The following FMN1 variants were observed in gnomAD, a reference collection of about 807,000 sequenced individuals.
The protein encoded by FMN1 is formin 1, also known as formin-1.
In FMN1, 110 loss-of-function variants were observed where a neutral mutation model predicts 132.4. The observed-to-expected ratio is 0.83, with a 90% CI of 0.71 to 0.97. The LOEUF (loss-of-function observed/expected upper bound fraction) is 0.97. FMN1 is among the 50% of genes least tolerant of loss of function. The pLI, the probability that FMN1 is intolerant of heterozygous loss-of-function variation, is 0.00. For missense variants in FMN1, 1,792 were observed against 1,705.3 expected, an observed-to-expected ratio of 1.05 and a Z score of -0.90; for synonymous variants, 722 against 651.7, an observed-to-expected ratio of 1.11 and a Z score of -1.64.
At chr15:33,084,151 C>A (rs2038598507) in intron 5 of FMN1, among the ~76,000 whole-genome samples, 1 of 152,238 alleles carries the variant, frequency 6.6e-6, no homozygotes, top group Non-Finnish European at 1.5e-5. Flanking sequence ...CCACTGTGCT[C>A]TGCCTATGGA....
chr15:33,135,634 G>A lies in FMN1; in HGVS notation c.1867+17414C>T, dbSNP rs370039904. Among the ~76,000 whole-genome samples, 10 of 152,324 alleles carry A rather than the reference G, an allele frequency of 6.6e-5. No homozygotes were observed. The South Asian group carries it at 1.2e-3, about 19-fold the overall frequency. On this transcript the variant is annotated intron_variant, in intron 4 of 20. Transcript: ENST00000616417. The stretch of plus-strand genomic sequence containing the variant: ...AGAGGTTAGTGAAGCTGGAGAAACC[G>A]AGAGCTTGGCTGGCAAGGACTGTGT...
Position 33,066,516 on chromosome 15 carries a change from T to G in FMN1, c.2044-1442A>C, listed in dbSNP as rs190770401. The G allele has an allele frequency of 1.6e-3, 2,388 of 1,537,382 alleles. 7 individuals carry two copies. The highest frequency in any genetic ancestry group is 1.7e-3 in the Non-Finnish European group (2,002 of 1,144,112). On this transcript the variant is annotated intron_variant, in intron 5 of 20. Coordinates refer to ENST00000616417, the MANE Select transcript of FMN1 (RefSeq NM_001277313.2). ...CAAAACCCAATTCTACATACACTTT[T>G]GGAATCAGAGGGGCCATCCGCTGGC...
chr15:33,135,433 C>A (rs1170790030), intron 4 of FMN1, among the ~76,000 whole-genome samples: 1 of 152,216 alleles, frequency 6.6e-6, no homozygotes, highest in Non-Finnish European at 1.5e-5. Context: ...CTGCACAGCA[C>A]AGCACAGAAT....
intron 4 of FMN1, among the ~76,000 whole-genome samples, chr15:33,102,909 A>G (rs575156340): frequency 6.6e-6 from 1 of 152,240 alleles, no homozygotes; most frequent in African/African-American, 2.4e-5. Context: ...TTCCTGTTTA[A>G]AATAGATGTC....
chr15:32,873,647 G>A (rs933798520), intron 16 of FMN1, among the ~76,000 whole-genome samples: 4 of 152,270 alleles, frequency 2.6e-5, no homozygotes, highest in Admixed American at 6.5e-5. Flanking sequence ...CTAGAGGAGA[G>A]GGGGAGTTCT....
At chr15:32,894,673 AAAAG>A (rs1472703942) in intron 15 of FMN1, among the ~76,000 whole-genome samples, 1 of 152,222 alleles carries the variant, frequency 6.6e-6, no homozygotes, top group Admixed American at 6.5e-5. Flanking sequence ...ACGACCTCAA[AAAAG>A]GGCCATGTAA....
chr15:33,091,820 C>A (rs2141371368), intron 4 of FMN1, among the ~76,000 whole-genome samples: 1 of 152,228 alleles, frequency 6.6e-6, no homozygotes, highest in Non-Finnish European at 1.5e-5. Flanking sequence ...AGAAAAAAAT[C>A]ATCTGAAATT....
intron 3 of FMN1, among the ~76,000 whole-genome samples, chr15:33,157,563 T>TA (rs1489394349): frequency 6.6e-6 from 1 of 152,224 alleles, no homozygotes; most frequent in African/African-American, 2.4e-5. Context: ...GCTCTTCACC[T>TA]ACTGCCTTCT....
chr15:32,830,729 T>C (rs2058479836), intron 17 of FMN1, among the ~76,000 whole-genome samples: 1 of 152,148 alleles, frequency 6.6e-6, no homozygotes, highest in East Asian at 1.9e-4. Context: ...AAACCTAATT[T>C]TCCCAGGAGT....
intron 9 of FMN1, among the ~76,000 whole-genome samples, chr15:32,943,308 G>C (rs954885167): frequency 9.2e-5 from 14 of 152,152 alleles, no homozygotes; most frequent in African/African-American, 2.4e-4. Context: ...TAGACAATCT[G>C]ATTCTCCCAA....
chr15:32,787,912 T>A (rs1250723637), intron 19 of FMN1, among the ~76,000 whole-genome samples: 1 of 152,240 alleles, frequency 6.6e-6, no homozygotes, highest in Non-Finnish European at 1.5e-5. Context: ...TTGTGTACTT[T>A]GTCAAATCTA....
At position 33,013,047 on chromosome 15, in the gene FMN1, T is replaced by C. The variant is rs548710598; in HGVS notation, c.2162-4972A>G. ...GAGGCTATAGGGGTAGCACTAGCTA[T>C]GGCACTGGCAGAAGATTTTAATTAC... is the stretch of plus-strand genomic sequence containing the variant. On this transcript the variant is annotated intron_variant, in intron 6 of 20. Coordinates refer to ENST00000616417, the MANE Select transcript of FMN1 (RefSeq NM_001277313.2). 3.8e-4 allele frequency: 152 copies of C among 403,182 alleles called. 1 individual carries two copies. The highest frequency in any genetic ancestry group is 2.9e-3 in the South Asian group (149 of 51,378). The allele number at this position is 403,182 out of a possible 1,614,324, so 25.0% of individuals were successfully genotyped here.
chr15:32,814,632 G>A (rs2141064357), intron 17 of FMN1, among the ~76,000 whole-genome samples: 1 of 152,308 alleles, frequency 6.6e-6, no homozygotes, highest in South Asian at 2.1e-4. Flanking sequence ...ACAATCACAA[G>A]GCTCTGGATA....
At chr15:32,939,171 C>A (rs1230311610) in intron 9 of FMN1, among the ~76,000 whole-genome samples, 1 of 152,200 alleles carries the variant, frequency 6.6e-6, no homozygotes, top group Non-Finnish European at 1.5e-5. Flanking sequence ...AGAGTGATAA[C>A]AATACTTCAG....
chr15:33,090,380 A>C (rs1012829713), intron 4 of FMN1, among the ~76,000 whole-genome samples: 2 of 152,198 alleles, frequency 1.3e-5, no homozygotes, highest in Non-Finnish European at 2.9e-5. Flanking sequence ...GCATTTTAGA[A>C]GGAAGAAAAT....
In FMN1 at chr15:32,869,763, G is replaced by GAGA. The variant is rs143877085; in HGVS notation, c.3836-12659_3836-12657dup. Among the ~76,000 whole-genome samples, 316 of 152,308 alleles carry GAGA rather than the reference G, an allele frequency of 2.1e-3. 2 individuals are homozygous for GAGA. The highest frequency in any genetic ancestry group is 7.0e-3 in the African/African-American group (293 of 41,562). On this transcript the variant is annotated intron_variant, in intron 16 of 20. Coordinates refer to ENST00000616417, the MANE Select transcript of FMN1 (RefSeq NM_001277313.2). ...GTGAAGGTCTGGAGTTACATGACCTGAGAAGAAAACAGAATTGCAGGAAAG... is the reference window on the plus strand; with the variant it reads ...GTGAAGGTCTGGAGTTACATGACCTGAGAAGAAGAAAACAGAATTGCAGGAAAG...
intron 19 of FMN1, among the ~76,000 whole-genome samples, chr15:32,788,637 G>T (rs1300132385): frequency 2.0e-5 from 3 of 152,192 alleles, no homozygotes; most frequent in Non-Finnish European, 4.4e-5. Flanking sequence ...GGAGCTGTCA[G>T]GAGTCCCACA....
chr15:32,858,767 C>A (rs1343857636), intron 16 of FMN1, among the ~76,000 whole-genome samples: 1 of 152,214 alleles, frequency 6.6e-6, no homozygotes, highest in East Asian at 1.9e-4. Context: ...TTAAAACATT[C>A]ATTTTTTCCA....
intron 3 of FMN1, among the ~76,000 whole-genome samples, chr15:33,175,204 T>G (rs578262145): frequency 2.0e-5 from 3 of 152,168 alleles, no homozygotes; most frequent in Admixed American, 6.5e-5. Flanking sequence ...TTGTTTTTTG[T>G]TTGGTTGGTT....
Sources: allele counts gnomAD v4.1 joint callset (sites outside exome capture counted in the v4.1 genomes callset), GRCh38; gene constraint gnomAD v4.1.1; transcripts MANE v1.5; gene names NCBI Gene and HGNC (gene_info 2026-07-23, HGNC 2026-07-21).